Variants in ADAMTS6 observed in about 807,000 individuals in gnomAD.
The protein encoded by ADAMTS6 is ADAM metallopeptidase with thrombospondin type 1 motif 6, also known as A disintegrin and metalloproteinase with thrombospondin motifs 6.
Under a neutral mutation model 144.3 loss-of-function variants are expected in ADAMTS6, and 23 were observed. That is an observed-to-expected ratio of 0.16 (90% CI 0.11 to 0.23). The LOEUF is 0.23. Ranked by LOEUF, ADAMTS6 falls within the 10% of genes least tolerant of loss-of-function variation. The probability of loss-of-function intolerance (pLI) is 1.00; values close to 1 mark genes in which losing one functional copy is unlikely to be tolerated. For synonymous variants in ADAMTS6, 444 were observed against 457.5 expected, an observed-to-expected ratio of 0.97 and a Z score of 0.38; for missense variants, 999 against 1,379.6, an observed-to-expected ratio of 0.72 and a Z score of 4.37.
intron 15 of ADAMTS6, among the ~76,000 whole-genome samples, chr5:65,240,088 T>C (rs1308574162): frequency 1.3e-5 from 2 of 152,088 alleles, no homozygotes; most frequent in African/African-American, 2.4e-5. Context: ...AGCTAAAAAC[T>C]AGAAACAACC....
At chr5:65,327,327 G>A (rs1005312612) in intron 9 of ADAMTS6, among the ~76,000 whole-genome samples, 1 of 151,988 alleles carries the variant, frequency 6.6e-6, no homozygotes, top group East Asian at 1.9e-4. Flanking sequence ...TATTCCTTTA[G>A]AGCAACACAA....
chr5:65,467,742 T>C (rs1363832490), intron 3 of ADAMTS6, among the ~76,000 whole-genome samples: 4 of 152,330 alleles, frequency 2.6e-5, no homozygotes, highest in East Asian at 3.9e-4. Flanking sequence ...TCAGAAACTT[T>C]ACTTTCCAGT....
chr5:65,386,716 T>A (rs746253036), intron 7 of ADAMTS6, among the ~76,000 whole-genome samples: 1 of 151,684 alleles, frequency 6.6e-6, no homozygotes, highest in Non-Finnish European at 1.5e-5. Context: ...GCCCCAAGAG[T>A]AGCTGGAATT....
intron 7 of ADAMTS6, among the ~76,000 whole-genome samples, chr5:65,359,129 C>T (rs1749598606): frequency 6.6e-6 from 1 of 151,986 alleles, no homozygotes; most frequent in African/African-American, 2.4e-5. Flanking sequence ...CCATATATTT[C>T]ATCGGGGTTA....
Position 65,266,383 on chromosome 5 carries a change from A to G in ADAMTS6, c.1621-3421T>C, listed in dbSNP as rs1374945693. Among the ~76,000 whole-genome samples the G allele has an allele frequency of 2.6e-5, 4 of 151,938 alleles. No homozygotes were observed. The East Asian group carries it at 7.7e-4, about 29-fold the overall frequency. ...TTGGTTATATCTATTCCATGGAGCT[A>G]TATCATAATAGGTAATTTTATCAGA... On this transcript the variant is annotated intron_variant, in intron 12 of 24. Transcript: ENST00000381055.
At chr5:65,398,867 A>G (rs1420677192) in intron 7 of ADAMTS6, among the ~76,000 whole-genome samples, 4 of 152,014 alleles carry the variant, frequency 2.6e-5, no homozygotes, top group Non-Finnish European at 5.9e-5. Flanking sequence ...AGAGAAAGAA[A>G]GAAAGAAAGA....
intron 11 of ADAMTS6, among the ~76,000 whole-genome samples, chr5:65,287,152 T>G (rs184414940): frequency 0.013 from 2,050 of 152,322 alleles, 37 homozygotes; most frequent in African/African-American, 0.045. Context: ...AGACGTCCTA[T>G]CTTTTTATAT....
intron 15 of ADAMTS6, among the ~76,000 whole-genome samples, chr5:65,237,882 T>C (rs1180466616): frequency 1.3e-5 from 2 of 152,020 alleles, no homozygotes; most frequent in African/African-American, 4.8e-5. Context: ...ACCCCAGGCA[T>C]TGGAGACCAG....
intron 9 of ADAMTS6, among the ~76,000 whole-genome samples, chr5:65,324,394 A>C (rs553425549): frequency 2.0e-5 from 3 of 152,232 alleles, no homozygotes; most frequent in Admixed American, 1.3e-4. Flanking sequence ...TAGGACACAA[A>C]AAGCAAACCA....
intron 2 of ADAMTS6, among the ~76,000 whole-genome samples, chr5:65,471,774 C>T (rs113295421): frequency 0.015 from 2,260 of 151,114 alleles, 64 homozygotes; most frequent in African/African-American, 0.052. Context: ...AAAAACAAAA[C>T]GAAAAACAAA....
chr5:65,303,625 T>C (rs1314853730), intron 9 of ADAMTS6, among the ~76,000 whole-genome samples: 1 of 151,810 alleles, frequency 6.6e-6, no homozygotes, highest in Non-Finnish European at 1.5e-5. Context: ...TAATACAGTA[T>C]ATAATTTAAA....
At chr5:65,421,497 G>A (rs1333610508) in intron 7 of ADAMTS6, among the ~76,000 whole-genome samples, 1 of 152,108 alleles carries the variant, frequency 6.6e-6, no homozygotes. Flanking sequence ...ACTGCTCTTA[G>A]AATTTTTTCC....
chr5:65,448,540 C>T (rs1472387635), intron 7 of ADAMTS6, among the ~76,000 whole-genome samples: 1 of 151,954 alleles, frequency 6.6e-6, no homozygotes, highest in Non-Finnish European at 1.5e-5. Context: ...GCAAGCTCCA[C>T]CTCCCGGGTT....
At chr5:65,255,541 G>T (rs766182391) in intron 14 of ADAMTS6, among the ~76,000 whole-genome samples, 1 of 152,182 alleles carries the variant, frequency 6.6e-6, no homozygotes, top group African/African-American at 2.4e-5. Flanking sequence ...AGGAGCAGGG[G>T]AGGAGATCCG....
chr5:65,359,768 A>G (rs1242184920), intron 7 of ADAMTS6, among the ~76,000 whole-genome samples: 1 of 152,122 alleles, frequency 6.6e-6, no homozygotes, highest in Non-Finnish European at 1.5e-5. Flanking sequence ...AGGCACAGAG[A>G]GACAAATACT....
chr5:65,444,020 C>A (rs140103474), intron 7 of ADAMTS6, among the ~76,000 whole-genome samples: 1 of 152,224 alleles, frequency 6.6e-6, no homozygotes, highest in Admixed American at 6.5e-5. Flanking sequence ...AAAAGTCATT[C>A]ATTATTAAAA....
intron 22 of ADAMTS6, among the ~76,000 whole-genome samples, chr5:65,177,883 T>G (rs1247145151): frequency 6.6e-6 from 1 of 152,232 alleles, no homozygotes; most frequent in East Asian, 1.9e-4. Flanking sequence ...GGTAGCTCTC[T>G]TCCAGGATTC....
chr5:65,334,993 G>A (rs967577529), intron 7 of ADAMTS6, among the ~76,000 whole-genome samples: 13 of 152,108 alleles, frequency 8.5e-5, no homozygotes, highest in African/African-American at 3.1e-4. Context: ...AAAAAGTAAA[G>A]CTTCACAAAC....
At chr5:65,219,855 T>A (rs1000646642) in intron 18 of ADAMTS6, among the ~76,000 whole-genome samples, 3 of 152,194 alleles carry the variant, frequency 2.0e-5, no homozygotes, top group African/African-American at 7.2e-5. Context: ...AACTATTGGG[T>A]TGGTGCAAAA....
Sources: allele counts gnomAD v4.1 joint callset (sites outside exome capture counted in the v4.1 genomes callset), GRCh38; gene constraint gnomAD v4.1.1; transcripts MANE v1.5; gene names NCBI Gene and HGNC (gene_info 2026-07-23, HGNC 2026-07-21).